Variants in ATP8B1 observed in about 807,000 individuals in gnomAD.
ATP8B1 encodes the protein ATPase phospholipid transporting 8B1.
Under a neutral mutation model 149.9 loss-of-function variants are expected in ATP8B1, and 80 were observed. The observed-to-expected ratio is 0.53, with a 90% CI of 0.45 to 0.64. The LOEUF (loss-of-function observed/expected upper bound fraction) is 0.64. Ranked by LOEUF, ATP8B1 falls within the 30% of genes least tolerant of loss-of-function variation. The pLI is 0.00. For missense variants in ATP8B1, 1,247 were observed against 1,552.6 expected, an observed-to-expected ratio of 0.80 and a Z score of 3.31; for synonymous variants, 536 against 562.8, an observed-to-expected ratio of 0.95 and a Z score of 0.67.
chr18:57,713,217 T>TTTCTC, intron 2 of ATP8B1, among the ~76,000 whole-genome samples: 1 of 132,048 alleles, frequency 7.6e-6, no homozygotes, highest in African/African-American at 3.0e-5. Flanking sequence ...CCTTCCTTCC[T>TTTCTC]TCCTTCCTTC....
chr18:57,764,395 CTCTTTCTT>C (rs1256682857), intron 1 of ATP8B1, among the ~76,000 whole-genome samples: 2 of 141,092 alleles, frequency 1.4e-5, no homozygotes, highest in South Asian at 4.6e-4. Context: ...CTCTCTTTCT[CTCTTTCTT>C]TCTTTCTCTC....
rs1418697517 is a variant in ATP8B1 at position 57,706,513 on chromosome 18, A to C, written c.256T>G (p.Cys86Gly). ...ACCGCATATTTACTCTCCTTAATAC[A>C]CAAGAATTTTGTGTTCATAAAGTGA... ...QPHFMNTKFL[C>G]IKESKYANNA... The change falls in exon 3 of 28, where the codon TGT becomes GGT. Residue 86 changes from cysteine (C) to glycine (G), a missense_variant. Cys to Gly is a radical substitution (Grantham distance 159, BLOSUM62 -3). Coordinates refer to ENST00000648908, the MANE Select transcript of ATP8B1 (RefSeq NM_001374385.1). The C allele has an allele frequency of 6.2e-7, 1 of 1,613,974 alleles. No homozygotes were observed.
intron 1 of ATP8B1, among the ~76,000 whole-genome samples, chr18:57,780,172 T>C (rs1274135963): frequency 2.0e-5 from 3 of 152,214 alleles, no homozygotes; most frequent in Admixed American, 1.3e-4. Context: ...ATGTTTAAAA[T>C]CTGAAGTTGG....
rs111033609 is a variant in ATP8B1, at chr18:57,695,188, C to T, written c.923G>A (p.Gly308Asp). The T allele has an allele frequency of 6.2e-7, 1 of 1,614,058 alleles. No individual in the cohort carries two copies. Among genetic ancestry groups the T allele is most frequent in the Non-Finnish European group, 8.5e-7 (1 of 1,180,012 alleles). ...GAACGTACCTGCAAAAATGACTAAG[C>T]CGTGGCAGAAATCGGTGTTCCTAAT... ...CVIRNTDFCH[G>D]LVIFAGADTK... Residue 308 changes from glycine (G) to aspartate (D), a missense_variant, in exon 10 of 28, where the codon GGC becomes GAC. Physicochemically the swap from Gly to Asp is moderately conservative, Grantham distance 94 (BLOSUM62 -1). Coordinates refer to ENST00000648908, the MANE Select transcript of ATP8B1 (RefSeq NM_001374385.1).
In ATP8B1 at chr18:57,802,046, C is replaced by G. The variant is rs1444274676; in HGVS notation, c.-26+952G>C. 8.2e-6 allele frequency: 1 copy of G among 121,464 alleles called. No homozygotes were observed. Among genetic ancestry groups the G allele is most frequent in the Non-Finnish European group, 1.6e-5 (1 of 62,122 alleles). The allele number at this position is 121,464 out of a possible 1,614,324, so 7.5% of individuals were successfully genotyped here. On this transcript the variant is annotated intron_variant, in intron 1 of 27. Coordinates refer to ENST00000648908, the MANE Select transcript of ATP8B1 (RefSeq NM_001374385.1). This position sits in a 1 kb window ranked among gnomAD's most constrained non-coding sequence, Gnocchi z 4.9. ...GTACAACCGTCACGGATCTGCGCTC[C>G]GAGCACCGCCCCCCCCCGCAACCAG...
At chr18:57,685,227 A>G in intron 13 of ATP8B1, 112 bp from the exon 14 acceptor site, 3 of 1,133,724 alleles carry the variant, frequency 2.6e-6, no homozygotes, top group South Asian at 2.5e-5. Context: ...CGGCCTGGAC[A>G]GGCTAAAATA....
chr18:57,734,279 T>C (rs1411840393), intron 1 of ATP8B1, among the ~76,000 whole-genome samples: 1 of 151,884 alleles, frequency 6.6e-6, no homozygotes, highest in Non-Finnish European at 1.5e-5. Flanking sequence ...AACCTCTGCC[T>C]CCCAGATTCA....
chr18:57,667,233 T>C, intron 19 of ATP8B1, 66 bp from the exon 20 acceptor site: 1 of 1,345,062 alleles, frequency 7.4e-7, no homozygotes, highest in Non-Finnish European at 1.0e-6. Flanking sequence ...ATTTTGTTTT[T>C]TGAGACAGCA....
Position 57,802,439 on chromosome 18 carries a change from T to A in ATP8B1, c.-26+559A>T, listed in dbSNP as rs184158601. ...CGCACGGAAGATGTCTGGGAGTACCTGGCCCTGCCACAGGAGCTGGGGAGG... is the reference window on the plus strand; with the variant it reads ...CGCACGGAAGATGTCTGGGAGTACCAGGCCCTGCCACAGGAGCTGGGGAGG... On this transcript the variant is annotated intron_variant, in intron 1 of 27. Transcript: ENST00000648908. This position sits in a 1 kb window ranked among gnomAD's most constrained non-coding sequence, Gnocchi z 4.9. Among the ~76,000 whole-genome samples, 71 of 152,276 alleles carry A rather than the reference T, an allele frequency of 4.7e-4. No homozygotes were observed. Among genetic ancestry groups the A allele is most frequent in the Admixed American group, 4.5e-3 (69 of 15,304 alleles).
chr18:57,749,360 T>C lies in ATP8B1; in HGVS notation c.-25-17528A>G, dbSNP rs564175584. Among the ~76,000 whole-genome samples the C allele has an allele frequency of 3.9e-4, 16 of 40,794 alleles. No homozygotes were observed. The African/African-American group carries it at 5.3e-3, about 13-fold the overall frequency. The allele number at this position is 40,794 out of a possible 152,430, so 26.8% of individuals were successfully genotyped here. ...AAAATGTTTGCATATTTTTTGCTTT[T>C]CCACATTCCCCTTCTCCATAGACCT... On this transcript the variant is annotated intron_variant, in intron 1 of 27. Coordinates refer to ENST00000648908, the MANE Select transcript of ATP8B1 (RefSeq NM_001374385.1).
chr18:57,739,705 A>G (rs2079891387), intron 1 of ATP8B1, among the ~76,000 whole-genome samples: 1 of 152,222 alleles, frequency 6.6e-6, no homozygotes, highest in South Asian at 2.1e-4. Flanking sequence ...ATTGAGGGCA[A>G]TGATGGGAGA....
chr18:57,700,388 G>A (rs2122932289), intron 6 of ATP8B1, among the ~76,000 whole-genome samples: 1 of 152,232 alleles, frequency 6.6e-6, no homozygotes, highest in East Asian at 1.9e-4. Context: ...TTAGACGACT[G>A]CCTCCAGTGA....
chr18:57,770,844 T>C (rs1325782872), intron 1 of ATP8B1, among the ~76,000 whole-genome samples: 1 of 152,212 alleles, frequency 6.6e-6, no homozygotes, highest in Non-Finnish European at 1.5e-5. Context: ...TCACCGTTCT[T>C]CTAGAAACAT....
At chr18:57,799,495 A>C (rs1240450055) in intron 1 of ATP8B1, among the ~76,000 whole-genome samples, 1 of 152,154 alleles carries the variant, frequency 6.6e-6, no homozygotes, top group Admixed American at 6.5e-5. Flanking sequence ...GGATTGCTTG[A>C]GGCCAGGAGT....
intron 1 of ATP8B1, among the ~76,000 whole-genome samples, chr18:57,745,273 C>T (rs1056989295): frequency 6.6e-6 from 1 of 151,914 alleles, no homozygotes; most frequent in South Asian, 2.1e-4. Flanking sequence ...CTTACTGAAA[C>T]AAATTTTTTT....
intron 15 of ATP8B1, among the ~76,000 whole-genome samples, chr18:57,682,324 C>T (rs1199747887): frequency 1.3e-5 from 2 of 152,164 alleles, no homozygotes; most frequent in African/African-American, 4.8e-5. Context: ...GAACTTTGTA[C>T]ATCCAACCTT....
chr18:57,735,275 C>T (rs2079836914), intron 1 of ATP8B1: 1 of 159,200 alleles, frequency 6.3e-6, no homozygotes, highest in Non-Finnish European at 1.4e-5. Flanking sequence ...CCGCTGTGCT[C>T]CTGATCCAGG....
intron 1 of ATP8B1, among the ~76,000 whole-genome samples, chr18:57,742,466 A>C (rs1403605153): frequency 2.0e-5 from 3 of 152,060 alleles, no homozygotes; most frequent in African/African-American, 7.3e-5. Context: ...ATATGATAGA[A>C]AAGGCTTCTC....
chr18:57,674,528 G>GT (rs1911475007), intron 16 of ATP8B1, among the ~76,000 whole-genome samples: 1 of 151,740 alleles, frequency 6.6e-6, no homozygotes, highest in Admixed American at 6.6e-5. Context: ...GGGACTACAG[G>GT]TGCCAGCCAC....
Sources: gnomAD v4.1 joint callset for allele counts (sites outside exome capture counted in the v4.1 genomes callset) on GRCh38, gnomAD v4.1.1 for gene constraint, Gnocchi (gnomAD v3.1) non-coding constraint, MANE v1.5 for transcripts, NCBI Gene and HGNC (gene_info 2026-07-23, HGNC 2026-07-21) for gene names.